KLHL24: variants seen among roughly 807,000 people sequenced by gnomAD.
KLHL24 encodes kelch-like protein 24.
In KLHL24, 29 loss-of-function variants were observed where a neutral mutation model predicts 53.4. That is an observed-to-expected ratio of 0.54 (90% CI 0.40 to 0.74). The LOEUF is 0.74. Ranked by LOEUF, KLHL24 falls within the 30% of genes least tolerant of loss-of-function variation. KLHL24 has a pLI of 0.00. For missense variants in KLHL24, 504 were observed against 744.0 expected (o/e 0.68, Z 3.75); for synonymous variants, 222 against 253.7 (o/e 0.88, Z 1.19).
At chr3:183,640,604 T>TC (rs1217534700) in intron 1 of KLHL24, among the ~76,000 whole-genome samples, 1 of 67,710 alleles carries the variant, frequency 1.5e-5, no homozygotes, top group Non-Finnish European at 2.7e-5. Context: ...TTTTTTCTTT[T>TC]TTTTTTTTTT....
chr3:183,662,793 A>T (rs1010731162), intron 3 of KLHL24, among the ~76,000 whole-genome samples: 19 of 152,310 alleles, frequency 1.2e-4, no homozygotes, highest in Admixed American at 1.2e-3. Context: ...GCATTTTGGT[A>T]TATTCTTTCC....
intron 2 of KLHL24, among the ~76,000 whole-genome samples, chr3:183,644,888 T>C (rs1296093614): frequency 6.6e-6 from 1 of 152,218 alleles, no homozygotes; most frequent in Non-Finnish European, 1.5e-5. Context: ...CTATTTTGTT[T>C]TGTATTCTGA....
chr3:183,657,979 G>A lies in KLHL24; in HGVS notation c.921-5479G>A, dbSNP rs191349489. Among the ~76,000 whole-genome samples the A allele has an allele frequency of 3.7e-3, 562 of 152,182 alleles. 5 individuals are homozygous for A. Among genetic ancestry groups the A allele is most frequent in the African/African-American group, 0.013 (542 of 41,534 alleles). ...TGTAATCCTAGCACTTTGGGAGGCC[G>A]AGGTGGGCAGATCACCTGAGGTCTG... On this transcript the variant is annotated intron_variant, in intron 3 of 7. Transcript: ENST00000242810.
chr3:183,650,873 C>T lies in KLHL24; in HGVS notation c.517C>T (p.Arg173Cys), dbSNP rs1358909817. Residue 173 changes from arginine to cysteine, a missense_variant, in exon 3 of 8, where the codon CGC becomes TGC. Transcript: ENST00000242810. This position sits in a 1 kb window ranked among gnomAD's most constrained non-coding sequence, Gnocchi z 4.5. The stretch of plus-strand genomic sequence containing the variant: ...TCCTTGTAATTGCTTAGGAATCCAG[C>T]GCTTTGCTGATACCCATTCACTCAA... ...LDPCNCLGIQ[R>C]FADTHSLKTL... 2 of 1,613,974 alleles carry T rather than the reference C, an allele frequency of 1.2e-6. No homozygotes were observed. The highest frequency in any genetic ancestry group is 1.7e-6 in the Non-Finnish European group (2 of 1,180,040).
intron 5 of KLHL24, among the ~76,000 whole-genome samples, chr3:183,666,659 A>G (rs2108856156): frequency 6.6e-6 from 1 of 152,298 alleles, no homozygotes; most frequent in African/African-American, 2.4e-5. Flanking sequence ...TCCAATGAGC[A>G]TTTCCTTTGA....
chr3:183,665,185 A>T, intron 5 of KLHL24, 146 bp downstream of exon 5: 2 of 574,604 alleles, frequency 3.5e-6, no homozygotes, highest in Non-Finnish European at 6.4e-6. Flanking sequence ...TAAACCAAAG[A>T]TATAAACAAT....
chr3:183,645,484 A>G (rs1717095947), intron 2 of KLHL24, among the ~76,000 whole-genome samples: 1 of 152,258 alleles, frequency 6.6e-6, no homozygotes, highest in Admixed American at 6.5e-5. Context: ...CCAGACATCC[A>G]CACAAATATA....
intron 1 of KLHL24, among the ~76,000 whole-genome samples, chr3:183,639,037 C>T (rs561295495): frequency 3.8e-4 from 58 of 151,934 alleles, no homozygotes; most frequent in African/African-American, 1.3e-3. Flanking sequence ...CCCGTCTCTA[C>T]TAAAAATACA....
intron 7 of KLHL24, among the ~76,000 whole-genome samples, chr3:183,674,361 T>C (rs28590316): frequency 1.3e-5 from 2 of 151,054 alleles, no homozygotes; most frequent in East Asian, 1.9e-4. Flanking sequence ...TTCCTTCCTT[T>C]CTTTCTTTCT....
At chr3:183,642,622 A>AC (rs1716617827) in intron 1 of KLHL24, among the ~76,000 whole-genome samples, 1 of 149,082 alleles carries the variant, frequency 6.7e-6, no homozygotes, top group African/African-American at 2.5e-5. Flanking sequence ...AAAAAAAAAA[A>AC]AAAAAAGGAA....
Position 183,672,371 on chromosome 3 carries a change from G to C in KLHL24, c.1489G>C (p.Ala497Pro). Reference sequence around the variant, plus strand: ...CCCAATTGCCAAAAGGTGTATAACAGCTGTATCCCTAAACAACCTGATCTA... The same window carrying C: ...CCCAATTGCCAAAAGGTGTATAACACCTGTATCCCTAAACAACCTGATCTA... ...AIPIAKRCIT[A>P]VSLNNLIYVA... Residue 497 changes from alanine to proline, a missense_variant, in exon 7 of 8, where the codon GCT becomes CCT. Ala to Pro is a conservative substitution (Grantham distance 27, BLOSUM62 -1). Coordinates refer to ENST00000242810, the MANE Select transcript of KLHL24 (RefSeq NM_017644.3). The C allele has an allele frequency of 6.2e-7, 1 of 1,613,308 alleles. No individual in the cohort carries two copies. Among genetic ancestry groups the C allele is most frequent in the Non-Finnish European group, 8.5e-7 (1 of 1,179,518 alleles).
At chr3:183,635,927 A>G (rs77746152) in intron 1 of KLHL24, 134 bp downstream of exon 1, 10,807 of 152,446 alleles carry the variant, frequency 0.071, 1,319 homozygotes, top group African/African-American at 0.25. Flanking sequence ...CAGCTGGGCT[A>G]CAGGGCCCCT....
chr3:183,659,220 T>C (rs1235407776), intron 3 of KLHL24, among the ~76,000 whole-genome samples: 1 of 152,060 alleles, frequency 6.6e-6, no homozygotes, highest in African/African-American at 2.4e-5. Context: ...AGCTCAAGCA[T>C]AAAAGGGAAA....
intron 3 of KLHL24, among the ~76,000 whole-genome samples, chr3:183,659,760 T>TA (rs55931947): frequency 0.33 from 50,914 of 152,098 alleles, 9,377 homozygotes; most frequent in African/African-American, 0.49. Context: ...GTTGACATAT[T>TA]ACAAGTTCAG....
intron 2 of KLHL24, chr3:183,643,956 A>G (rs1716840840): frequency 6.7e-6 from 1 of 150,232 alleles, no homozygotes; most frequent in Non-Finnish European, 1.5e-5. Context: ...TTGATTATGC[A>G]TCATGAGTTC....
chr3:183,671,825 A>T (rs1462971176), intron 6 of KLHL24, among the ~76,000 whole-genome samples: 1 of 152,208 alleles, frequency 6.6e-6, no homozygotes, highest in Non-Finnish European at 1.5e-5. Context: ...TTCTTTTTCT[A>T]AATTCAGTTT....
chr3:183,641,318 C>G (rs1256641729), intron 1 of KLHL24, among the ~76,000 whole-genome samples: 3 of 151,860 alleles, frequency 2.0e-5, no homozygotes, highest in Non-Finnish European at 4.4e-5. Flanking sequence ...CATGGTGAAA[C>G]CCCGTCTCTA....
intron 3 of KLHL24, among the ~76,000 whole-genome samples, chr3:183,652,243 C>G (rs1345974040): frequency 6.6e-6 from 1 of 152,034 alleles, no homozygotes; most frequent in Non-Finnish European, 1.5e-5. Flanking sequence ...GTATCTTCTT[C>G]CAGTATATTA....
rs1204627061 is a variant in KLHL24, at chr3:183,682,875, C to G, written c.*3589C>G. On this transcript the variant is annotated 3_prime_UTR_variant, in exon 8 of 8. Coordinates refer to ENST00000242810, the MANE Select transcript of KLHL24 (RefSeq NM_017644.3). ...AAGAGAGGAGTTGAATTGTGTGTGC[C>G]TTTTATGTCTTGAGATTTATATGTG... is the stretch of plus-strand genomic sequence containing the variant. The G allele has an allele frequency of 6.7e-6, 1 of 150,168 alleles. No homozygotes were observed. The highest frequency in any genetic ancestry group is 1.5e-5 in the Non-Finnish European group (1 of 67,784). 9.3% of individuals were successfully genotyped at this position (150,168 alleles called of 1,614,324 possible).
Sources: allele counts gnomAD v4.1 joint callset (sites outside exome capture counted in the v4.1 genomes callset), GRCh38; gene constraint gnomAD v4.1.1; non-coding constraint Gnocchi (gnomAD v3.1); transcripts MANE v1.5; gene names NCBI Gene and HGNC (gene_info 2026-07-23, HGNC 2026-07-21).